NUMA1: variants seen among roughly 807,000 people sequenced by gnomAD.
NUMA1 encodes SP-H antigen.
NUMA1 carries 62 observed loss-of-function variants against 237.1 expected under a neutral mutation model. That is an observed-to-expected ratio of 0.26 (90% CI 0.21 to 0.32). The LOEUF is 0.32. Ranked by LOEUF, NUMA1 falls within the 10% of genes least tolerant of loss-of-function variation. NUMA1 has a pLI of 1.00. For synonymous variants in NUMA1, 1,028 were observed against 1,066.1 expected (o/e 0.96, Z 0.70); for missense variants, 2,533 against 2,666.5 (o/e 0.95, Z 1.10).
At chr11:72,059,281 A>AT (rs1222543247) in intron 2 of NUMA1, among the ~76,000 whole-genome samples, 1 of 152,076 alleles carries the variant, frequency 6.6e-6, no homozygotes, top group Non-Finnish European at 1.5e-5. Flanking sequence ...TCACATTTTT[A>AT]ATTAATTTTT....
intron 4 of NUMA1, among the ~76,000 whole-genome samples, chr11:72,026,511 C>A (rs982885490): frequency 6.6e-6 from 1 of 152,244 alleles, no homozygotes; most frequent in African/African-American, 2.4e-5. Flanking sequence ...GACGGGACAG[C>A]CTTTTTTGCT....
rs1565218116 is a variant in NUMA1, at chr11:72,016,229, A to C, written c.1274T>G (p.Leu425Arg). 1 of 1,600,364 alleles carries C rather than the reference A, an allele frequency of 6.2e-7. No individual in the cohort carries two copies. The highest frequency in any genetic ancestry group is 2.2e-5 in the East Asian group (1 of 44,542). The change falls in exon 15 of 27, where the codon CTT becomes CGT. Residue 425 changes from leucine to arginine, a missense_variant. Coordinates refer to ENST00000393695, the MANE Select transcript of NUMA1 (RefSeq NM_006185.4). ...TTGGAGCTGTGTGTTGTTTGCAGCA[A>C]GAGTGGCTGCCTCTTGCTTCAAGGT... ...LETLKQEAATLAANNTQLQAR... is the reference protein window; with the variant it reads ...LETLKQEAATRAANNTQLQAR...
In NUMA1 at chr11:72,017,773, T is replaced by C. The variant is rs150123720; in HGVS notation, c.1033A>G (p.Thr345Ala). The C allele has an allele frequency of 6.2e-7, 1 of 1,613,060 alleles. No homozygotes were observed. Among genetic ancestry groups the C allele is most frequent in the Admixed American group, 1.7e-5 (1 of 60,018 alleles). The change falls in exon 13 of 27, where the codon ACG (threonine) becomes GCG (alanine). Residue 345 changes from threonine (T) to alanine (A), a missense_variant. Transcript: ENST00000393695. ...TGAGTGGCCTTGCTGTGCTCCTCCG[T>C]CAGCTCATTGAGGGCATCCTGTAGC... ...QQLQDALNEL[T>A]EEHSKATQEW... is the part of the protein sequence containing the mutation.
At chr11:72,075,016 A>G (rs1017026232) in intron 1 of NUMA1, among the ~76,000 whole-genome samples, 11 of 150,408 alleles carry the variant, frequency 7.3e-5, no homozygotes, top group Non-Finnish European at 1.2e-4. Flanking sequence ...CCTGGGCGAC[A>G]GAGTGAGACT....
intron 10 of NUMA1, 94 bp downstream of exon 10, chr11:72,018,729 G>A (rs773548559): frequency 1.2e-5 from 17 of 1,449,142 alleles, no homozygotes; most frequent in Admixed American, 2.0e-5. Flanking sequence ...TGAGCTCTCA[G>A]CTCCAGGGGC....
intron 12 of NUMA1, 121 bp downstream of exon 12, chr11:72,018,062 C>G: frequency 1.0e-6 from 1 of 959,334 alleles, no homozygotes; most frequent in Non-Finnish European, 1.7e-6. Context: ...ATATGCAGGT[C>G]TCTGGAGAGA....
intron 2 of NUMA1, among the ~76,000 whole-genome samples, chr11:72,051,984 T>A (rs1942385645): frequency 6.6e-6 from 1 of 152,130 alleles, no homozygotes; most frequent in Non-Finnish European, 1.5e-5. Flanking sequence ...GTATACTACT[T>A]GTGCTTTTTG....
rs765083064 is a variant in NUMA1 at position 72,014,007 on chromosome 11, T to C, written c.3496A>G (p.Thr1166Ala). 2 of 1,611,638 alleles carry C rather than the reference T, an allele frequency of 1.2e-6. No individual in the cohort carries two copies. The highest frequency in any genetic ancestry group is 2.2e-5 in the East Asian group (1 of 44,812). ...SRAERDSALE[T>A]LQGQLEEKAQ... ...TTCTCCTCTAACTGGCCCTGCAGAG[T>C]CTCCAGAGCACTGTCCCGCTCAGCC... The change falls in exon 15 of 27, where the codon ACT becomes GCT. Residue 1166 changes from threonine to alanine, a missense_variant. Thr to Ala is a moderately conservative substitution (Grantham distance 58, BLOSUM62 0). This residue lies in a region of NUMA1 where 1,414 missense variants were observed against 1,508.1 expected (regional missense o/e 0.94). Coordinates refer to ENST00000393695, the MANE Select transcript of NUMA1 (RefSeq NM_006185.4). The surrounding 1 kb of genome is among the most constrained non-coding windows in gnomAD (Gnocchi z 4.6).
chr11:72,007,401 C>T lies in NUMA1; in HGVS notation c.5251G>A (p.Val1751Ile), dbSNP rs201074875. The change falls in exon 21 of 27, where the codon GTC (valine) becomes ATC (isoleucine). Residue 1751 changes from valine (V) to isoleucine (I), a missense_variant. Transcript: ENST00000393695. ...ATAGGTGAGGCTGGTTCTCCAGGGACGCTGGTGCCGTCTGGCTGGGTACGA... is the reference window on the plus strand; with the variant it reads ...ATAGGTGAGGCTGGTTCTCCAGGGATGCTGGTGCCGTCTGGCTGGGTACGA... ...LPRTQPDGTS[V>I]PGEPASPISQ... The T allele has an allele frequency of 1.2e-5, 20 of 1,613,714 alleles. No individual in the cohort carries two copies. The highest frequency in any genetic ancestry group is 8.9e-5 in the East Asian group (4 of 44,866).
intron 15 of NUMA1, 140 bp from the exon 16 acceptor site, chr11:72,012,582 TA>T (rs964456232): frequency 4.7e-6 from 4 of 856,228 alleles, no homozygotes; most frequent in Admixed American, 2.3e-5. Flanking sequence ...AAATGCCAGT[TA>T]GGCTGATTCT....
intron 3 of NUMA1, among the ~76,000 whole-genome samples, chr11:72,030,185 A>G (rs575757038): frequency 1.3e-5 from 2 of 151,972 alleles, no homozygotes; most frequent in Non-Finnish European, 2.9e-5. Context: ...AATACAAAAA[A>G]TTAGCCAGGA....
intron 2 of NUMA1, among the ~76,000 whole-genome samples, chr11:72,043,039 T>C (rs947389290): frequency 7.2e-5 from 11 of 152,210 alleles, no homozygotes; most frequent in African/African-American, 2.4e-4. Context: ...GGAGGATCAC[T>C]TGAACCCAGG....
chr11:72,029,271 G>T lies in NUMA1; in HGVS notation c.62C>A (p.Ala21Asp). The T allele has an allele frequency of 6.2e-7, 1 of 1,608,658 alleles. No homozygotes were observed. Residue 21 changes from alanine (A) to aspartate (D), a missense_variant, in exon 4 of 27, where the codon GCT becomes GAT. By Grantham distance (126) the Ala-to-Asp change is moderately radical (BLOSUM62 -2). This residue lies in a region of NUMA1 where 1,414 missense variants were observed against 1,508.1 expected (regional missense o/e 0.94). Coordinates refer to ENST00000393695, the MANE Select transcript of NUMA1 (RefSeq NM_006185.4). ...CTGCAGCACAGCCTCCACAGGGTCA[G>T]CCACGTGTAGACTGTTCACCTGTAA... Reference protein sequence around the residue: ...LLSWVNSLHVADPVEAVLQLQ... With the variant: ...LLSWVNSLHVDDPVEAVLQLQ...
chr11:72,037,438 G>A (rs1050449756), intron 2 of NUMA1, among the ~76,000 whole-genome samples: 4 of 152,160 alleles, frequency 2.6e-5, no homozygotes. Flanking sequence ...CCCGGGAGGC[G>A]GAGCTTGCAG....
chr11:72,041,941 G>C (rs563521985), intron 2 of NUMA1: 1 of 152,340 alleles, frequency 6.6e-6, no homozygotes, highest in Admixed American at 6.5e-5. Flanking sequence ...CCTGTGCTGC[G>C]TGCTATTGTC....
rs954339519 is a variant in NUMA1, at chr11:72,008,709, C to T, written c.5195G>A (p.Gly1732Glu). The T allele has an allele frequency of 9.9e-6, 16 of 1,614,002 alleles. No homozygotes were observed. Among genetic ancestry groups the T allele is most frequent in the African/African-American group, 1.3e-5 (1 of 74,902 alleles). The change falls in exon 20 of 27, where the codon GGG becomes GAG. Residue 1732 changes from glycine (G) to glutamate (E), a missense_variant. This residue lies in a region of NUMA1 where 795 missense variants were observed against 750.8 expected (regional missense o/e 1.06). Coordinates refer to ENST00000393695, the MANE Select transcript of NUMA1 (RefSeq NM_006185.4). Reference sequence around the variant, plus strand: ...TGACCTGGTGATACTGAGTGGGGTCCCCTCCTCGCAGCTCAGATCCAGGCT... The same window carrying T: ...TGACCTGGTGATACTGAGTGGGGTCTCCTCCTCGCAGCTCAGATCCAGGCT... ...IDSLDLSCEE[G>E]TPLSITSKLP...
At chr11:72,052,774 A>G (rs971548057) in intron 2 of NUMA1, among the ~76,000 whole-genome samples, 5 of 152,124 alleles carry the variant, frequency 3.3e-5, no homozygotes, top group African/African-American at 1.2e-4. Flanking sequence ...CCATCTCAAA[A>G]AAAAAAACAA....
chr11:72,010,419 G>A (rs1956069884), intron 17 of NUMA1, among the ~76,000 whole-genome samples: 1 of 152,254 alleles, frequency 6.6e-6, no homozygotes, highest in Non-Finnish European at 1.5e-5. Flanking sequence ...TTTATGCAAT[G>A]GTGGAATGTT....
intron 1 of NUMA1, among the ~76,000 whole-genome samples, chr11:72,079,199 A>T (rs1326798514): frequency 6.6e-6 from 1 of 152,212 alleles, no homozygotes; most frequent in Non-Finnish European, 1.5e-5. Context: ...CAGTGACGAA[A>T]AAGTCTCTCG....
Sources: allele counts gnomAD v4.1 joint callset (sites outside exome capture counted in the v4.1 genomes callset), GRCh38; gene constraint gnomAD v4.1.1; regional missense constraint gnomAD v4.1.1; non-coding constraint Gnocchi (gnomAD v3.1); transcripts MANE v1.5; gene names NCBI Gene and HGNC (gene_info 2026-07-23, HGNC 2026-07-21).